The following ILDR1 variants were observed in gnomAD, a reference collection of about 807,000 sequenced individuals.
The protein encoded by ILDR1 is immunoglobulin-like domain-containing receptor 1.
Under a neutral mutation model 62.4 loss-of-function variants are expected in ILDR1, and 56 were observed. The ratio of observed to expected loss-of-function variants is 0.90; its 90% CI spans 0.72 to 1.12. ILDR1 has a LOEUF of 1.12. ILDR1 is among the 50% of genes most tolerant of loss of function. The pLI, the probability that ILDR1 is intolerant of heterozygous loss-of-function variation, is 0.00. For synonymous variants in ILDR1, 284 were observed against 277.8 expected (o/e 1.02, Z -0.22); for missense variants, 736 against 710.6 (o/e 1.04, Z -0.41).
At chr3:121,999,465 A>C (rs2071484941) in intron 5 of ILDR1, among the ~76,000 whole-genome samples, 1 of 152,364 alleles carries the variant, frequency 6.6e-6, no homozygotes, top group Middle Eastern at 3.4e-3. Flanking sequence ...TTTACCATGT[A>C]TTCTGTAGCC....
chr3:121,995,806 T>C (rs933029092), intron 5 of ILDR1, among the ~76,000 whole-genome samples: 1 of 152,184 alleles, frequency 6.6e-6, no homozygotes, highest in South Asian at 2.1e-4. Context: ...ACTAGTTCTC[T>C]GAAAAATCTC....
upstream of ILDR1, among the ~76,000 whole-genome samples, chr3:122,023,681 C>G (rs2071896502): frequency 6.6e-6 from 1 of 152,110 alleles, no homozygotes; most frequent in African/African-American, 2.4e-5. Context: ...TCTCTTTTCC[C>G]CAGTGGGCCT....
At chr3:122,016,247 G>C (rs1455212644) in intron 1 of ILDR1, among the ~76,000 whole-genome samples, 3 of 152,220 alleles carry the variant, frequency 2.0e-5, no homozygotes, top group Non-Finnish European at 4.4e-5. Context: ...TTCTGACTGA[G>C]CAAAATCCAT....
intron 1 of ILDR1, among the ~76,000 whole-genome samples, chr3:122,021,161 A>G (rs549688563): frequency 1.3e-5 from 2 of 152,276 alleles, no homozygotes; most frequent in African/African-American, 4.8e-5. Context: ...CTATTCTGAA[A>G]GGGAGGGGAG....
chr3:121,992,076 A>ATGGCAACATATCTTTGCAAAG (rs1345651218), intron 7 of ILDR1, among the ~76,000 whole-genome samples: 2 of 152,196 alleles, frequency 1.3e-5, no homozygotes, highest in Non-Finnish European at 2.9e-5. Context: ...TTTTTGAGCA[A>ATGGCAACATATCTTTGCAAAG]TGGCAACATA....
chr3:122,018,396 G>GC (rs1158957421), intron 1 of ILDR1, among the ~76,000 whole-genome samples: 3 of 124,892 alleles, frequency 2.4e-5, no homozygotes, highest in African/African-American at 8.1e-5. Context: ...TGTTGGGGTG[G>GC]GGGGGGGGTA....
intron 1 of ILDR1, among the ~76,000 whole-genome samples, chr3:122,019,969 T>C (rs1206571140): frequency 6.6e-6 from 1 of 152,222 alleles, no homozygotes; most frequent in African/African-American, 2.4e-5. Context: ...CACAGGGAGT[T>C]GGCTTGTCAG....
chr3:122,025,613 T>C (rs117152554), upstream of ILDR1, among the ~76,000 whole-genome samples: 105 of 152,364 alleles, frequency 6.9e-4, no homozygotes, highest in East Asian at 0.02. Flanking sequence ...TGAAACTGTG[T>C]CTATGAATGT....
the ILDR1 span, among the ~76,000 whole-genome samples, chr3:122,060,825 G>C: frequency 2.0e-5 from 3 of 152,030 alleles, no homozygotes; most frequent in African/African-American, 7.2e-5. Flanking sequence ...GAGATTTGAG[G>C]CTTCGCAGAG....
chr3:122,000,639 C>A (rs2107654511), intron 5 of ILDR1, among the ~76,000 whole-genome samples: 1 of 152,336 alleles, frequency 6.6e-6, no homozygotes, highest in African/African-American at 2.4e-5. Flanking sequence ...AGGAAAGGGT[C>A]ATTGTAACTC....
intron 1 of ILDR1, among the ~76,000 whole-genome samples, chr3:122,012,786 A>C (rs2071723317): frequency 6.6e-6 from 1 of 152,226 alleles, no homozygotes. Context: ...AGATCCACTG[A>C]GACTAGCATG....
At chr3:122,029,907 A>G in the ILDR1 span, among the ~76,000 whole-genome samples, 1 of 152,208 alleles carries the variant, frequency 6.6e-6, no homozygotes, top group East Asian at 1.9e-4. Context: ...TGGAAACTGG[A>G]TGTAATAATC....
At chr3:122,032,872 T>C in the ILDR1 span, among the ~76,000 whole-genome samples, 1 of 152,198 alleles carries the variant, frequency 6.6e-6, no homozygotes, top group African/African-American at 2.4e-5. Context: ...TGCAGTCCAG[T>C]CTTCGGAAGA....
the ILDR1 span, among the ~76,000 whole-genome samples, chr3:122,038,199 T>A: frequency 6.6e-6 from 1 of 152,206 alleles, no homozygotes; most frequent in African/African-American, 2.4e-5. Flanking sequence ...CCCACCATCA[T>A]AACCACTCTA....
chr3:121,998,275 T>A (rs539713812), intron 5 of ILDR1, among the ~76,000 whole-genome samples: 5 of 152,222 alleles, frequency 3.3e-5, no homozygotes, highest in Non-Finnish European at 7.3e-5. Flanking sequence ...CTTTACTCAT[T>A]TGATATTAAC....
intron 3 of ILDR1, 23 bp downstream of exon 3, chr3:122,005,221 C>A: frequency 6.5e-7 from 1 of 1,534,216 alleles, no homozygotes. Context: ...CCCCAGTTCC[C>A]CTGACACCTC....
At chr3:122,011,305 A>G in intron 1 of ILDR1, among the ~76,000 whole-genome samples, 1 of 152,012 alleles carries the variant, frequency 6.6e-6, no homozygotes, top group African/African-American at 2.4e-5. Flanking sequence ...AGAGTCAGAA[A>G]TTGCTGTGGG....
At chr3:122,029,511 AATAT>A in the ILDR1 span, among the ~76,000 whole-genome samples, 2 of 139,478 alleles carry the variant, frequency 1.4e-5, no homozygotes, top group East Asian at 2.0e-4. Flanking sequence ...GTCTAAAAAA[AATAT>A]ATATATATAT....
At chr3:122,010,422 A>G (rs1056968900) in intron 1 of ILDR1, among the ~76,000 whole-genome samples, 1 of 152,150 alleles carries the variant, frequency 6.6e-6, no homozygotes, top group Non-Finnish European at 1.5e-5. Context: ...AAAAATATAT[A>G]TCATTTTAAA....
Sources: allele counts gnomAD v4.1 joint callset (sites outside exome capture counted in the v4.1 genomes callset), GRCh38; gene constraint gnomAD v4.1.1; transcripts MANE v1.5; gene names NCBI Gene and HGNC (gene_info 2026-07-23, HGNC 2026-07-21).